The following SOCS5 variants were observed in gnomAD, a reference collection of about 807,000 sequenced individuals.
SOCS5 encodes CIS-6.
A neutral mutation model predicts 42.8 loss-of-function variants in SOCS5; 32 were observed. The ratio of observed to expected loss-of-function variants is 0.75; its 90% confidence interval spans 0.56 to 1.01. The LOEUF (loss-of-function observed/expected upper bound fraction) is 1.01, where lower values mean the gene tolerates loss of function less well. SOCS5 is among the 50% of genes least tolerant of loss of function. SOCS5 has a pLI of 0.00. For synonymous variants in SOCS5, 283 were observed against 229.6 expected, an observed-to-expected ratio of 1.23 and a Z score of -2.10; for missense variants, 627 against 653.0, an observed-to-expected ratio of 0.96 and a Z score of 0.43.
chr2:46,749,172 CG>C (rs1440168008), intron 1 of SOCS5, among the ~76,000 whole-genome samples: 6 of 152,124 alleles, frequency 3.9e-5, no homozygotes, highest in Admixed American at 3.9e-4. Flanking sequence ...GTTTGCCTAA[CG>C]GAAGTAGTCT....
chr2:46,751,810 C>T (rs990892541), intron 1 of SOCS5, among the ~76,000 whole-genome samples: 4 of 152,036 alleles, frequency 2.6e-5, no homozygotes, highest in Non-Finnish European at 4.4e-5. Flanking sequence ...CAAACTATGG[C>T]GTATGGGCAA....
intron 1 of SOCS5, among the ~76,000 whole-genome samples, chr2:46,748,334 T>C (rs1218549322): frequency 1.3e-5 from 2 of 151,982 alleles, no homozygotes; most frequent in Admixed American, 1.3e-4. Context: ...CACAGATGCA[T>C]GCCACTTGGC....
chr2:46,720,784 A>C (rs1485878446), intron 1 of SOCS5, among the ~76,000 whole-genome samples: 1 of 152,204 alleles, frequency 6.6e-6, no homozygotes, highest in Non-Finnish European at 1.5e-5. Context: ...GTGAGGTACC[A>C]GTGCAGCTGG....
chr2:46,737,853 T>C (rs1358845080), intron 1 of SOCS5, among the ~76,000 whole-genome samples: 1 of 151,420 alleles, frequency 6.6e-6, no homozygotes, highest in African/African-American at 2.4e-5. Flanking sequence ...TTTCTGTCCT[T>C]TCTAAAAAAA....
chr2:46,733,731 TG>T (rs1465731939), intron 1 of SOCS5, among the ~76,000 whole-genome samples: 1 of 152,180 alleles, frequency 6.6e-6, no homozygotes, highest in African/African-American at 2.4e-5. Context: ...AAGAAAGCCA[TG>T]TATCTCACTC....
chr2:46,727,398 T>A (rs1306157755), intron 1 of SOCS5, among the ~76,000 whole-genome samples: 16 of 152,210 alleles, frequency 1.1e-4, no homozygotes, highest in Admixed American at 1.0e-3. Flanking sequence ...GGGTCCTTCA[T>A]ATTCTAAGTA....
chr2:46,710,480 A>T (rs1672593867), intron 1 of SOCS5, among the ~76,000 whole-genome samples: 1 of 152,206 alleles, frequency 6.6e-6, no homozygotes, highest in Non-Finnish European at 1.5e-5. Context: ...AGTGTAATTT[A>T]CATATAGTGA....
At chr2:46,718,910 C>T (rs945679224) in intron 1 of SOCS5, among the ~76,000 whole-genome samples, 1 of 152,272 alleles carries the variant, frequency 6.6e-6, no homozygotes, top group Non-Finnish European at 1.5e-5. Context: ...TTAAAATGTT[C>T]ATACCCTTTG....
At chr2:46,750,913 T>C (rs1673607303) in intron 1 of SOCS5, among the ~76,000 whole-genome samples, 1 of 152,184 alleles carries the variant, frequency 6.6e-6, no homozygotes, top group Non-Finnish European at 1.5e-5. Context: ...TCCATCTTTT[T>C]ATGTTCTCCA....
At chr2:46,726,859 C>T (rs1203941600) in intron 1 of SOCS5, among the ~76,000 whole-genome samples, 3 of 151,528 alleles carry the variant, frequency 2.0e-5, no homozygotes, top group Non-Finnish European at 2.9e-5. Context: ...TGGGTTCAAG[C>T]GATTCTCCTG....
chr2:46,753,049 T>G (rs975590863), intron 1 of SOCS5, among the ~76,000 whole-genome samples: 1 of 152,204 alleles, frequency 6.6e-6, no homozygotes, highest in Non-Finnish European at 1.5e-5. Flanking sequence ...TGCTCTCTTA[T>G]CATGGATTAT....
At position 46,759,791 on chromosome 2, in the gene SOCS5, C is replaced by T. The variant is rs2103767534; in HGVS notation, c.1261C>T (p.Arg421Cys). Residue 421 changes from arginine (R) to cysteine (C), a missense_variant, in exon 2 of 2, where the codon CGC becomes TGC. Physicochemically the swap from Arg to Cys is radical, Grantham distance 180. Coordinates refer to ENST00000394861, the MANE Select transcript of SOCS5 (RefSeq NM_144949.3). Reference sequence around the variant, plus strand: ...CTACCTCTTCTCTGTGAGCTTCCGCCGCTACAACAGATCCCTGCATGCCCG... The same window carrying T: ...CTACCTCTTCTCTGTGAGCTTCCGCTGCTACAACAGATCCCTGCATGCCCG... ...EDYLFSVSFR[R>C]YNRSLHARIE... The T allele has an allele frequency of 1.2e-6, 2 of 1,614,118 alleles. No homozygotes were observed. Among genetic ancestry groups the T allele is most frequent in the Non-Finnish European group, 1.7e-6 (2 of 1,180,008 alleles).
chr2:46,746,090 T>C (rs942041445), intron 1 of SOCS5, among the ~76,000 whole-genome samples: 4 of 151,968 alleles, frequency 2.6e-5, no homozygotes, highest in African/African-American at 9.7e-5. Flanking sequence ...CTGGGATCAA[T>C]ATTATGAAGG....
rs3768720 is a variant in SOCS5, at chr2:46,760,161, T to A, written c.*20T>A. On this transcript the variant is annotated 3_prime_UTR_variant, in exon 2 of 2. Transcript: ENST00000394861. ...AAGTAAACTCTCCGGTCCCCAAAGG[T>A]TGTTAACTAGGTCCGCTTTCATGTG... The A allele has an allele frequency of 6.3e-7, 1 of 1,591,016 alleles. No homozygotes were observed. Among genetic ancestry groups the A allele is most frequent in the South Asian group, 1.1e-5 (1 of 87,842 alleles).
chr2:46,747,773 A>T (rs1184330930), intron 1 of SOCS5, among the ~76,000 whole-genome samples: 2 of 152,254 alleles, frequency 1.3e-5, no homozygotes, highest in South Asian at 4.1e-4. Flanking sequence ...ATTTAGAGTA[A>T]ATAGGCATAG....
At position 46,738,745 on chromosome 2, in the gene SOCS5, A is replaced by C. The variant is rs558270180; in HGVS notation, c.-12-19774A>C. Among the ~76,000 whole-genome samples the C allele has an allele frequency of 3.3e-5, 5 of 152,326 alleles. No individual in the cohort carries two copies. The South Asian group carries it at 1.0e-3, about 32-fold the overall frequency. ...TCTATGTATGTGTTAAAAAATCTTT[A>C]AGTCAAATAAAATTTTTTTCCCATT... On this transcript the variant is annotated intron_variant, in intron 1 of 1. Coordinates refer to ENST00000394861, the MANE Select transcript of SOCS5 (RefSeq NM_144949.3).
rs965756519 is a variant in SOCS5 at position 46,699,908 on chromosome 2, G to C, written c.-13+459G>C. ...TTGGGGCTCCAAGAGCCCGATCTGG[G>C]GGTCTTCAAGGTCGAGGAGAAAAGA... On this transcript the variant is annotated intron_variant, in intron 1 of 1. Transcript: ENST00000394861. This position sits in a 1 kb window ranked among gnomAD's most constrained non-coding sequence, Gnocchi z 4.8. Among the ~76,000 whole-genome samples the C allele has an allele frequency of 3.3e-5, 5 of 152,110 alleles. No individual in the cohort carries two copies. The highest frequency in any genetic ancestry group is 1.2e-4 in the African/African-American group (5 of 41,406).
At chr2:46,757,242 G>A (rs1673750599) in intron 1 of SOCS5, among the ~76,000 whole-genome samples, 1 of 152,092 alleles carries the variant, frequency 6.6e-6, no homozygotes, top group Non-Finnish European at 1.5e-5. Context: ...AAAATAATTA[G>A]TTGAAGTTAT....
intron 1 of SOCS5, among the ~76,000 whole-genome samples, chr2:46,718,815 G>T (rs56224128): frequency 0.047 from 7,136 of 152,196 alleles, 250 homozygotes; most frequent in Non-Finnish European, 0.078. Context: ...ACATAGAAAA[G>T]AATAAAGTAT....
Sources: allele counts gnomAD v4.1 joint callset (sites outside exome capture counted in the v4.1 genomes callset), GRCh38; gene constraint gnomAD v4.1.1; non-coding constraint Gnocchi (gnomAD v3.1); transcripts MANE v1.5; gene names NCBI Gene and HGNC (gene_info 2026-07-23, HGNC 2026-07-21).